The following ELMO1 variants were observed in gnomAD, a reference collection of about 807,000 sequenced individuals.
The protein encoded by ELMO1 is engulfment and cell motility 1.
ELMO1 carries 26 observed loss-of-function variants against 98.9 expected under a neutral mutation model. The ratio of observed to expected loss-of-function variants is 0.26; its 90% CI spans 0.19 to 0.36. The LOEUF is 0.36. Among genes scored for constraint, ELMO1 ranks in the 10% least tolerant of loss-of-function variants. The pLI is 1.00. For missense variants in ELMO1, 627 were observed against 935.2 expected (o/e 0.67, Z 4.30); for synonymous variants, 346 against 346.0 (o/e 1.00, Z 0.00).
At chr7:37,405,283 T>C (rs1234250151) in intron 1 of ELMO1, among the ~76,000 whole-genome samples, 2 of 152,174 alleles carry the variant, frequency 1.3e-5, no homozygotes, top group South Asian at 2.1e-4. Context: ...CCCTTGCACA[T>C]ATTGTTCCCT....
intron 16 of ELMO1, among the ~76,000 whole-genome samples, chr7:36,938,576 ATGTTT>A (rs1290967629): frequency 7.9e-5 from 12 of 152,244 alleles, no homozygotes; most frequent in African/African-American, 2.9e-4. Context: ...ATGCATTTGT[ATGTTT>A]TAAGTTAAAA....
At chr7:37,181,608 A>G (rs903166632) in intron 13 of ELMO1, among the ~76,000 whole-genome samples, 3 of 152,222 alleles carry the variant, frequency 2.0e-5, no homozygotes, top group African/African-American at 7.2e-5. Context: ...ACATTCCACA[A>G]GTAAAGAAAT....
At chr7:37,268,746 A>C (rs1213639519) in intron 5 of ELMO1, among the ~76,000 whole-genome samples, 3 of 152,254 alleles carry the variant, frequency 2.0e-5, no homozygotes, top group African/African-American at 7.2e-5. Flanking sequence ...CAAATGAATT[A>C]AACAGTGCAG....
At chr7:37,120,530 A>G (rs187991776) in intron 14 of ELMO1, among the ~76,000 whole-genome samples, 3 of 152,316 alleles carry the variant, frequency 2.0e-5, no homozygotes, top group African/African-American at 7.2e-5. Flanking sequence ...GCTTGTTGCT[A>G]GCATAGCAGT....
chr7:37,240,278 A>C (rs1794694441), intron 7 of ELMO1, among the ~76,000 whole-genome samples: 1 of 151,968 alleles, frequency 6.6e-6, no homozygotes, highest in African/African-American at 2.4e-5. Context: ...GGCTCAAGTG[A>C]TCCACCTGCC....
At chr7:36,908,021 C>T (rs1784083799) in intron 16 of ELMO1, among the ~76,000 whole-genome samples, 1 of 152,176 alleles carries the variant, frequency 6.6e-6, no homozygotes, top group Non-Finnish European at 1.5e-5. Context: ...GAGGACTAAT[C>T]CAAGTGTTTT....
intron 2 of ELMO1, among the ~76,000 whole-genome samples, chr7:37,336,384 A>C (rs1296828804): frequency 6.6e-6 from 1 of 152,206 alleles, no homozygotes; most frequent in Non-Finnish European, 1.5e-5. Flanking sequence ...AGAGAGGGGA[A>C]CCATATATCC....
intron 19 of ELMO1, among the ~76,000 whole-genome samples, chr7:36,875,043 A>T (rs1294378815): frequency 6.6e-6 from 1 of 152,228 alleles, no homozygotes; most frequent in Non-Finnish European, 1.5e-5. Flanking sequence ...GGGGCACAAG[A>T]CACTCTCTGC....
At position 37,226,661 on chromosome 7, in the gene ELMO1, C is replaced by T. The variant is rs182286214; in HGVS notation, c.550-1631G>A. 2.6e-5 allele frequency among the ~76,000 whole-genome samples: 4 copies of T among 152,224 alleles called. 1 individual carries two copies. The highest frequency in any genetic ancestry group is 3.9e-4 in the East Asian group (2 of 5,164). Reference sequence around the variant, plus strand: ...TTGCAACTAATTTTCTCCTCATTCCCGGCTCCCCTGCTTGTCTCTATTTAT... The same window carrying T: ...TTGCAACTAATTTTCTCCTCATTCCTGGCTCCCCTGCTTGTCTCTATTTAT... On this transcript the variant is annotated intron_variant, in intron 8 of 21. Coordinates refer to ENST00000310758, the MANE Select transcript of ELMO1 (RefSeq NM_014800.11).
chr7:37,114,260 A>G (rs917617689), intron 14 of ELMO1, among the ~76,000 whole-genome samples: 5 of 152,210 alleles, frequency 3.3e-5, no homozygotes, highest in African/African-American at 1.2e-4. Flanking sequence ...AGGCAATATC[A>G]ATCAGAGGCT....
chr7:37,019,356 A>G (rs1163531438), intron 15 of ELMO1, among the ~76,000 whole-genome samples: 2 of 152,262 alleles, frequency 1.3e-5, no homozygotes, highest in African/African-American at 2.4e-5. Context: ...CTTGACAGGT[A>G]ACAAAAGAAA....
At chr7:37,174,544 C>CG (rs1054545735) in intron 13 of ELMO1, among the ~76,000 whole-genome samples, 4 of 152,178 alleles carry the variant, frequency 2.6e-5, no homozygotes, top group Non-Finnish European at 5.9e-5. Flanking sequence ...CTGTATCGAG[C>CG]GGGCTATCTG....
intron 2 of ELMO1, among the ~76,000 whole-genome samples, chr7:37,330,244 T>C (rs1800031730): frequency 6.6e-6 from 1 of 152,238 alleles, no homozygotes; most frequent in Non-Finnish European, 1.5e-5. Context: ...TAGACATAGA[T>C]TATAGCTTCT....
At chr7:37,032,082 G>A (rs185985219) in intron 15 of ELMO1, among the ~76,000 whole-genome samples, 3 of 152,224 alleles carry the variant, frequency 2.0e-5, no homozygotes, top group South Asian at 2.1e-4. Flanking sequence ...CCAGGCCTGC[G>A]TGAGTCATTG....
At chr7:37,325,124 T>A (rs963861573) in intron 2 of ELMO1, among the ~76,000 whole-genome samples, 2 of 152,234 alleles carry the variant, frequency 1.3e-5, no homozygotes, top group Admixed American at 6.5e-5. Context: ...AAATGCTGGT[T>A]AAAGAAATTG....
intron 1 of ELMO1, among the ~76,000 whole-genome samples, chr7:37,352,347 T>C (rs1801309247): frequency 6.6e-6 from 1 of 152,164 alleles, no homozygotes; most frequent in East Asian, 1.9e-4. Context: ...AGGATACTTC[T>C]TGCTGCAGCC....
chr7:37,104,826 T>A, intron 14 of ELMO1, among the ~76,000 whole-genome samples: 1 of 151,686 alleles, frequency 6.6e-6, no homozygotes. Flanking sequence ...AAAGAATGTA[T>A]TAATATAATG....
Position 37,059,549 on chromosome 7 carries a change from T to A in ELMO1, c.1300+37070A>T, listed in dbSNP as rs566011157. ...AGTATGAACTGCCATCAATAATATC[T>A]CACAGAGCCAAAAATCATTCACTGT... On this transcript the variant is annotated intron_variant, in intron 15 of 21. Transcript: ENST00000310758. 1.4e-3 allele frequency among the ~76,000 whole-genome samples: 207 copies of A among 152,188 alleles called. 2 individuals are homozygous for A. Among genetic ancestry groups the A allele is most frequent in the Middle Eastern group, 6.8e-3 (2 of 294 alleles).
intron 5 of ELMO1, among the ~76,000 whole-genome samples, chr7:37,268,127 G>A (rs1796357241): frequency 6.6e-6 from 1 of 152,172 alleles, no homozygotes; most frequent in Non-Finnish European, 1.5e-5. Context: ...AGCCAAAGCT[G>A]ATTTTAAAAT....
Sources: allele counts gnomAD v4.1 joint callset (sites outside exome capture counted in the v4.1 genomes callset), GRCh38; gene constraint gnomAD v4.1.1; transcripts MANE v1.5; gene names NCBI Gene and HGNC (gene_info 2026-07-23, HGNC 2026-07-21).